ADAMTS6: variants seen among roughly 807,000 people sequenced by gnomAD.
ADAMTS6 encodes A disintegrin and metalloproteinase with thrombospondin motifs 6.
ADAMTS6 carries 23 observed loss-of-function variants against 144.3 expected under a neutral mutation model. That is an observed-to-expected ratio of 0.16 (90% CI 0.11 to 0.23). The LOEUF is 0.23. Among genes scored for constraint, ADAMTS6 ranks in the 10% least tolerant of loss-of-function variants. ADAMTS6 has a pLI of 1.00. For missense variants in ADAMTS6, 999 were observed against 1,379.6 expected, an observed-to-expected ratio of 0.72 and a Z score of 4.37; for synonymous variants, 444 against 457.5, an observed-to-expected ratio of 0.97 and a Z score of 0.38.
intron 7 of ADAMTS6, among the ~76,000 whole-genome samples, chr5:65,347,540 T>A (rs143923937): frequency 4.5e-4 from 68 of 151,970 alleles, no homozygotes; most frequent in African/African-American, 1.6e-3. Context: ...CCTGCAACCA[T>A]AAGACTACTA....
At chr5:65,435,750 C>G (rs1377918850) in intron 7 of ADAMTS6, among the ~76,000 whole-genome samples, 3 of 151,864 alleles carry the variant, frequency 2.0e-5, no homozygotes, top group African/African-American at 7.3e-5. Flanking sequence ...CTCAGCCTCC[C>G]GAGTAGCTGC....
chr5:65,400,703 T>C (rs187724984), intron 7 of ADAMTS6, among the ~76,000 whole-genome samples: 2 of 152,322 alleles, frequency 1.3e-5, no homozygotes, highest in Admixed American at 1.3e-4. Flanking sequence ...TTTGTAGTTT[T>C]CCCACAGCTC....
At chr5:65,458,685 C>T (rs925562140) in intron 4 of ADAMTS6, among the ~76,000 whole-genome samples, 1 of 152,208 alleles carries the variant, frequency 6.6e-6, no homozygotes, top group Non-Finnish European at 1.5e-5. Context: ...GCTGGGATTA[C>T]AGGCGTGAGC....
At chr5:65,274,102 A>T (rs1255692779) in intron 11 of ADAMTS6, among the ~76,000 whole-genome samples, 1 of 152,182 alleles carries the variant, frequency 6.6e-6, no homozygotes, top group Non-Finnish European at 1.5e-5. Context: ...TGTTGTGTGG[A>T]GTTGTCTCCT....
At chr5:65,299,799 T>C (rs562258767) in intron 10 of ADAMTS6, among the ~76,000 whole-genome samples, 186 bp downstream of exon 10, 6 of 134,198 alleles carry the variant, frequency 4.5e-5, no homozygotes, top group African/African-American at 1.1e-4. Context: ...TCCTCTATTC[T>C]ATAAATTCTA....
At chr5:65,326,500 T>C (rs1021283075) in intron 9 of ADAMTS6, among the ~76,000 whole-genome samples, 1 of 152,160 alleles carries the variant, frequency 6.6e-6, no homozygotes, top group Admixed American at 6.5e-5. Context: ...TTTAAATAGA[T>C]ATTATATCCC....
At chr5:65,260,550 C>T in intron 14 of ADAMTS6, 50 bp downstream of exon 14, 1 of 1,517,766 alleles carries the variant, frequency 6.6e-7, no homozygotes. Flanking sequence ...TTTCCCTACT[C>T]TAGGGAAAGA....
intron 22 of ADAMTS6, among the ~76,000 whole-genome samples, chr5:65,175,180 G>A (rs1194682412): frequency 6.6e-6 from 1 of 151,934 alleles, no homozygotes; most frequent in East Asian, 1.9e-4. Context: ...AAGACCAGCA[G>A]AGAGAGACAG....
At chr5:65,419,299 C>G (rs1235224026) in intron 7 of ADAMTS6, among the ~76,000 whole-genome samples, 1 of 152,054 alleles carries the variant, frequency 6.6e-6, no homozygotes, top group Non-Finnish European at 1.5e-5. Flanking sequence ...TGCAGGAACA[C>G]AAAACTAAAC....
intron 2 of ADAMTS6, 86 bp from the exon 3 acceptor site, chr5:65,471,228 C>T (rs915721107): frequency 7.4e-7 from 1 of 1,345,442 alleles, no homozygotes; most frequent in African/African-American, 1.5e-5. Context: ...GCAATATAAA[C>T]AACAACTATG....
rs1384467152 is a variant in ADAMTS6, at chr5:65,332,312, T to TATATAG, written c.1117+1729_1117+1730insCTATAT. ...GTATATATATATATATATATATATA[T>TATATAG]AGAGAGAGAGAGAGAGAGAGAGAGA... On this transcript the variant is annotated intron_variant, in intron 8 of 24. Coordinates refer to ENST00000381055, the MANE Select transcript of ADAMTS6 (RefSeq NM_197941.4). 2.7e-3 allele frequency among the ~76,000 whole-genome samples: 275 copies of TATATAG among 102,096 alleles called. 2 individuals are homozygous for TATATAG. The highest frequency in any genetic ancestry group is 4.2e-3 in the Non-Finnish European group (200 of 47,170). The allele number at this position is 102,096 out of a possible 152,430, so 67.0% of individuals were successfully genotyped here.
intron 7 of ADAMTS6, among the ~76,000 whole-genome samples, chr5:65,396,823 A>C (rs1580595825): frequency 6.6e-6 from 1 of 152,332 alleles, no homozygotes; most frequent in Non-Finnish European, 1.5e-5. Context: ...TGTCTCTGTC[A>C]GTTCAGGTAT....
chr5:65,205,873 A>T lies in ADAMTS6; in HGVS notation c.2576-8722T>A, dbSNP rs1299197589. On this transcript the variant is annotated intron_variant, in intron 20 of 24. Transcript: ENST00000381055. ...CCAAACTAACAGAGACAGAGGAAGGAAACATATTCAGGAGGATGCATCGGA... is the reference window on the plus strand; with the variant it reads ...CCAAACTAACAGAGACAGAGGAAGGTAACATATTCAGGAGGATGCATCGGA... Among the ~76,000 whole-genome samples the T allele has an allele frequency of 2.6e-5, 4 of 152,212 alleles. No individual in the cohort carries two copies. The East Asian group carries it at 7.7e-4, about 29-fold the overall frequency.
intron 12 of ADAMTS6, among the ~76,000 whole-genome samples, chr5:65,271,389 A>C (rs1045715022): frequency 1.3e-5 from 2 of 151,792 alleles, no homozygotes; most frequent in African/African-American, 2.4e-5. Flanking sequence ...AAAAAAAAAA[A>C]AAAAAAAAAC....
intron 11 of ADAMTS6, among the ~76,000 whole-genome samples, chr5:65,282,684 G>A (rs776493137): frequency 6.6e-6 from 1 of 151,980 alleles, no homozygotes; most frequent in African/African-American, 2.4e-5. Context: ...TTGGAATTTG[G>A]TATCTTATTG....
At chr5:65,307,382 G>A (rs533276961) in intron 9 of ADAMTS6, among the ~76,000 whole-genome samples, 4 of 152,292 alleles carry the variant, frequency 2.6e-5, no homozygotes, top group African/African-American at 9.6e-5. Context: ...AGGCTTAGAG[G>A]TTTAGTGAAG....
At chr5:65,324,617 T>C (rs1561424599) in intron 9 of ADAMTS6, among the ~76,000 whole-genome samples, 1 of 151,988 alleles carries the variant, frequency 6.6e-6, no homozygotes, top group Non-Finnish European at 1.5e-5. Flanking sequence ...ATCATATTTA[T>C]ATGTGTATAT....
intron 7 of ADAMTS6, among the ~76,000 whole-genome samples, chr5:65,447,668 T>C (rs1296064666): frequency 6.6e-6 from 1 of 151,426 alleles, no homozygotes; most frequent in Admixed American, 6.5e-5. Flanking sequence ...CACTGATACA[T>C]TGTGAATTTC....
intron 7 of ADAMTS6, among the ~76,000 whole-genome samples, chr5:65,405,363 T>C (rs1754356474): frequency 6.6e-6 from 1 of 152,236 alleles, no homozygotes; most frequent in Non-Finnish European, 1.5e-5. Flanking sequence ...TTTCTACATA[T>C]GGCTAGCCAG....
Sources: allele counts gnomAD v4.1 joint callset (sites outside exome capture counted in the v4.1 genomes callset), GRCh38; gene constraint gnomAD v4.1.1; transcripts MANE v1.5; gene names NCBI Gene and HGNC (gene_info 2026-07-23, HGNC 2026-07-21).